KIF6: variants seen among roughly 807,000 people sequenced by gnomAD.
KIF6 encodes the protein kinesin-like protein KIF6.
KIF6 carries 106 observed loss-of-function variants against 112.7 expected under a neutral mutation model. The observed-to-expected ratio is 0.94, with a 90% CI of 0.80 to 1.11. KIF6 has a LOEUF of 1.11. Ranked by LOEUF, KIF6 falls within the 50% of genes least tolerant of loss-of-function variation. The probability of loss-of-function intolerance (pLI) is 0.00; values close to 1 mark genes in which losing one functional copy is unlikely to be tolerated. For missense variants in KIF6, 929 were observed against 964.0 expected (o/e 0.96, Z 0.48); for synonymous variants, 339 against 339.9 (o/e 1.00, Z 0.03).
intron 13 of KIF6, among the ~76,000 whole-genome samples, chr6:39,450,358 G>A (rs1227172733): frequency 6.6e-6 from 1 of 152,196 alleles, no homozygotes; most frequent in African/African-American, 2.4e-5. Flanking sequence ...AGCTCAGAGA[G>A]GGATATAGTC....
At chr6:39,468,093 G>A (rs937471132) in intron 13 of KIF6, among the ~76,000 whole-genome samples, 29 of 152,040 alleles carry the variant, frequency 1.9e-4, no homozygotes, top group African/African-American at 7.0e-4. Context: ...TCACTATAGG[G>A]CTCAAGAGGA....
At chr6:39,566,573 T>C (rs1389579016) in intron 10 of KIF6, among the ~76,000 whole-genome samples, 1 of 152,226 alleles carries the variant, frequency 6.6e-6, no homozygotes, top group Non-Finnish European at 1.5e-5. Flanking sequence ...AGCAGTCTTA[T>C]ATCAACTGTC....
At chr6:39,435,661 G>A (rs1415371210) in intron 13 of KIF6, among the ~76,000 whole-genome samples, 3 of 152,002 alleles carry the variant, frequency 2.0e-5, no homozygotes, top group Non-Finnish European at 4.4e-5. Flanking sequence ...CTTTACTTAG[G>A]ATAATGGCCT....
At chr6:39,551,406 G>T (rs1779371508) in intron 10 of KIF6, among the ~76,000 whole-genome samples, 1 of 152,060 alleles carries the variant, frequency 6.6e-6, no homozygotes, top group African/African-American at 2.4e-5. Context: ...TAGTCAGAAG[G>T]AATAAGATCC....
chr6:39,544,225 A>T (rs978070326), intron 12 of KIF6, among the ~76,000 whole-genome samples: 3 of 152,206 alleles, frequency 2.0e-5, no homozygotes, highest in African/African-American at 4.8e-5. Context: ...GGCTAACACA[A>T]AGAGAACACA....
intron 19 of KIF6, among the ~76,000 whole-genome samples, chr6:39,351,384 C>G (rs920354353): frequency 1.3e-5 from 2 of 151,944 alleles, no homozygotes; most frequent in Admixed American, 6.6e-5. Flanking sequence ...GCATGTGCCA[C>G]CACGCCCGGC....
chr6:39,516,437 ATATC>A (rs1372994316), intron 13 of KIF6, among the ~76,000 whole-genome samples: 8 of 148,132 alleles, frequency 5.4e-5, no homozygotes, highest in Non-Finnish European at 7.4e-5. Flanking sequence ...ATATTATAAA[ATATC>A]TAATATATTA....
chr6:39,522,276 T>C (rs1452355258), intron 13 of KIF6, among the ~76,000 whole-genome samples: 1 of 152,146 alleles, frequency 6.6e-6, no homozygotes, highest in African/African-American at 2.4e-5. Flanking sequence ...TTGAGATTTG[T>C]AACATTTGGT....
At chr6:39,357,122 CTT>C (rs1241487458) in intron 19 of KIF6, among the ~76,000 whole-genome samples, 153 bp downstream of exon 19, 2 of 152,178 alleles carry the variant, frequency 1.3e-5, no homozygotes, top group African/African-American at 4.8e-5. Flanking sequence ...AAGCCACTGT[CTT>C]GAGTATCTAC....
chr6:39,351,297 C>T (rs1456794843), intron 19 of KIF6, among the ~76,000 whole-genome samples: 1 of 147,368 alleles, frequency 6.8e-6, no homozygotes, highest in Admixed American at 7.0e-5. Context: ...TGGTGCAGAT[C>T]TTGGCTCACT....
At position 39,544,689 on chromosome 6, in the gene KIF6, A is replaced by G. The variant is rs1466674189; in HGVS notation, c.1292T>C (p.Leu431Pro). ...TTCAAGGATCTTCTTGTCATTCAAT[A>G]GTTTCTGTAAGATAAAATAAGAGCT... is the stretch of plus-strand genomic sequence containing the variant. The part of the protein sequence containing the change: ...VHHCFHHLKK[L>P]LNDKKILENN... The change falls in exon 12 of 23, where the codon CTA (leucine) becomes CCA (proline). Residue 431 changes from leucine to proline, a missense_variant. Leu to Pro is a moderately conservative substitution (Grantham distance 98). Around this residue, in one of 2 missense-constraint regions of KIF6, gnomAD observed 688 missense variants for 662.7 expected, o/e 1.04. Coordinates refer to ENST00000287152, the MANE Select transcript of KIF6 (RefSeq NM_145027.6). The G allele has an allele frequency of 1.3e-6, 2 of 1,584,176 alleles. No individual in the cohort carries two copies. Among genetic ancestry groups the G allele is most frequent in the Admixed American group, 3.7e-5 (2 of 53,748 alleles).
intron 5 of KIF6, among the ~76,000 whole-genome samples, chr6:39,615,444 G>T (rs1449815389): frequency 6.6e-6 from 1 of 152,148 alleles, no homozygotes; most frequent in Admixed American, 6.5e-5. Flanking sequence ...TTTAATCCAG[G>T]TGTTCCCAAA....
intron 3 of KIF6, among the ~76,000 whole-genome samples, chr6:39,686,113 A>T (rs968962673): frequency 2.0e-5 from 3 of 152,230 alleles, no homozygotes; most frequent in Non-Finnish European, 4.4e-5. Flanking sequence ...TGATGAAAAT[A>T]AACAAAAGAG....
chr6:39,363,374 C>T (rs935238059), intron 16 of KIF6, among the ~76,000 whole-genome samples: 23 of 152,148 alleles, frequency 1.5e-4, no homozygotes, highest in South Asian at 6.2e-4. Flanking sequence ...CAAGCCTTGG[C>T]GATGGGACCA....
chr6:39,389,751 C>A (rs1201927953), intron 15 of KIF6, among the ~76,000 whole-genome samples: 1 of 152,098 alleles, frequency 6.6e-6, no homozygotes, highest in Non-Finnish European at 1.5e-5. Flanking sequence ...CAAATCTGGG[C>A]CAGGCATGGT....
At chr6:39,684,688 G>A (rs1465574834) in intron 3 of KIF6, among the ~76,000 whole-genome samples, 1 of 151,844 alleles carries the variant, frequency 6.6e-6, no homozygotes, top group Admixed American at 6.6e-5. Flanking sequence ...TACTCTGGAG[G>A]CTGAGGCAGG....
intron 3 of KIF6, among the ~76,000 whole-genome samples, chr6:39,697,477 C>G (rs901087989): frequency 3.9e-5 from 6 of 152,010 alleles, no homozygotes; most frequent in African/African-American, 1.4e-4. Flanking sequence ...AGGGGGTTTC[C>G]ATCTCTTGTC....
chr6:39,674,694 T>C (rs879790547), intron 3 of KIF6, among the ~76,000 whole-genome samples: 2 of 151,678 alleles, frequency 1.3e-5, no homozygotes, highest in Non-Finnish European at 2.9e-5. Context: ...GGCCTATTCC[T>C]GGGCTATGTA....
intron 10 of KIF6, among the ~76,000 whole-genome samples, chr6:39,575,458 A>C (rs11754007): frequency 0.021 from 3,246 of 151,916 alleles, 58 homozygotes; most frequent in Non-Finnish European, 0.032. Flanking sequence ...TTTTTAGTAG[A>C]GATGGGTTTC....
Sources: gnomAD v4.1 joint callset for allele counts (sites outside exome capture counted in the v4.1 genomes callset) on GRCh38, gnomAD v4.1.1 for gene constraint, gnomAD v4.1.1 regional missense constraint, MANE v1.5 for transcripts, NCBI Gene and HGNC (gene_info 2026-07-23, HGNC 2026-07-21) for gene names.